HS6ST3: variants seen among roughly 807,000 people sequenced by gnomAD.
HS6ST3 encodes heparan sulfate 6-O-sulfotransferase 3.
A neutral mutation model predicts 36.7 loss-of-function variants in HS6ST3; 12 were observed. The observed-to-expected ratio is 0.33, with a 90% CI of 0.21 to 0.53. The LOEUF (loss-of-function observed/expected upper bound fraction) is 0.53, where lower values mean the gene tolerates loss of function less well. Ranked by LOEUF, HS6ST3 falls within the 20% of genes least tolerant of loss-of-function variation. The pLI is 0.95. For missense variants in HS6ST3, 584 were observed against 640.9 expected, an observed-to-expected ratio of 0.91 and a Z score of 0.96; for synonymous variants, 240 against 257.5, an observed-to-expected ratio of 0.93 and a Z score of 0.65.
intron 1 of HS6ST3, among the ~76,000 whole-genome samples, chr13:96,768,526 A>T (rs1208321921): frequency 6.6e-6 from 1 of 152,160 alleles, no homozygotes; most frequent in African/African-American, 2.4e-5. Context: ...GAATTTTAAC[A>T]TGAATACTCA....
chr13:96,490,840 A>G (rs189044606), intron 1 of HS6ST3, among the ~76,000 whole-genome samples: 1 of 152,230 alleles, frequency 6.6e-6, no homozygotes, highest in Non-Finnish European at 1.5e-5. Context: ...ACCACCGGCT[A>G]TGCTGCTTCA....
At chr13:96,093,053 C>T (rs990055902) in intron 1 of HS6ST3, among the ~76,000 whole-genome samples, 2 of 152,212 alleles carry the variant, frequency 1.3e-5, no homozygotes, top group African/African-American at 4.8e-5. Context: ...ACTATTACTT[C>T]AGTGAGACAC....
intron 1 of HS6ST3, among the ~76,000 whole-genome samples, chr13:96,815,084 C>T (rs1878392859): frequency 6.6e-6 from 1 of 152,152 alleles, no homozygotes; most frequent in African/African-American, 2.4e-5. Context: ...GTACCACTAA[C>T]TGGGTGGCTT....
chr13:96,624,729 T>A (rs1030447517), intron 1 of HS6ST3, among the ~76,000 whole-genome samples: 6 of 152,208 alleles, frequency 3.9e-5, no homozygotes, highest in African/African-American at 1.4e-4. Flanking sequence ...CTGACTCGCT[T>A]TTGTTTGCTC....
At chr13:96,638,739 A>G (rs1226035630) in intron 1 of HS6ST3, among the ~76,000 whole-genome samples, 1 of 152,006 alleles carries the variant, frequency 6.6e-6, no homozygotes, top group African/African-American at 2.4e-5. Context: ...CTATGAGTCA[A>G]TTAAACCTCT....
chr13:96,098,531 T>C (rs1300546905), intron 1 of HS6ST3, among the ~76,000 whole-genome samples: 1 of 152,148 alleles, frequency 6.6e-6, no homozygotes, highest in Non-Finnish European at 1.5e-5. Context: ...TTTAAAAGCA[T>C]GGACCCTGGC....
chr13:96,116,594 G>A (rs2053895392), intron 1 of HS6ST3, among the ~76,000 whole-genome samples: 2 of 152,164 alleles, frequency 1.3e-5, no homozygotes, highest in Non-Finnish European at 2.9e-5. Context: ...ATTCATCCAT[G>A]AATTCTAAGC....
chr13:96,680,806 A>G (rs2056715895), intron 1 of HS6ST3, among the ~76,000 whole-genome samples: 1 of 152,172 alleles, frequency 6.6e-6, no homozygotes, highest in South Asian at 2.1e-4. Context: ...ACTTCATAAA[A>G]AGTCATTTCT....
chr13:96,187,418 A>G (rs1175188733), intron 1 of HS6ST3, among the ~76,000 whole-genome samples: 1 of 152,072 alleles, frequency 6.6e-6, no homozygotes, highest in Non-Finnish European at 1.5e-5. Context: ...CATTATTCTC[A>G]TTTTACAGAT....
At chr13:96,409,100 T>C (rs553726183) in intron 1 of HS6ST3, among the ~76,000 whole-genome samples, 22 of 152,268 alleles carry the variant, frequency 1.4e-4, no homozygotes, top group Middle Eastern at 3.4e-3. Context: ...GAAGACTTCA[T>C]GAAAGAGAAG....
chr13:96,367,570 C>T (rs1223377213), intron 1 of HS6ST3, among the ~76,000 whole-genome samples: 2 of 152,114 alleles, frequency 1.3e-5, no homozygotes, highest in Admixed American at 6.6e-5. Flanking sequence ...TTTATTGGCT[C>T]TTTCTTCTGT....
chr13:96,258,217 C>T (rs961663425), intron 1 of HS6ST3, among the ~76,000 whole-genome samples: 18 of 152,094 alleles, frequency 1.2e-4, no homozygotes, highest in African/African-American at 4.3e-4. Flanking sequence ...AAAATGGAAA[C>T]ATTCATAGAA....
chr13:96,751,194 C>T (rs1399437445), intron 1 of HS6ST3, among the ~76,000 whole-genome samples: 1 of 152,078 alleles, frequency 6.6e-6, no homozygotes, highest in Non-Finnish European at 1.5e-5. Flanking sequence ...GAACTTGTAA[C>T]TATGACCTTA....
chr13:96,264,740 A>G (rs996284524), intron 1 of HS6ST3, among the ~76,000 whole-genome samples: 2 of 152,188 alleles, frequency 1.3e-5, no homozygotes, highest in Non-Finnish European at 1.5e-5. Flanking sequence ...CAGCTCTCCA[A>G]AGCAATCCAG....
intron 1 of HS6ST3, among the ~76,000 whole-genome samples, chr13:96,150,314 G>A (rs2054078764): frequency 2.0e-5 from 3 of 151,976 alleles, no homozygotes; most frequent in Non-Finnish European, 2.9e-5. Context: ...TGGTTAAGAG[G>A]CATCATTCAG....
At chr13:96,483,259 G>A (rs761936085) in intron 1 of HS6ST3, among the ~76,000 whole-genome samples, 1 of 152,134 alleles carries the variant, frequency 6.6e-6, no homozygotes, top group Non-Finnish European at 1.5e-5. Flanking sequence ...AAGTGAGCAG[G>A]GGTTCCCCAG....
intron 1 of HS6ST3, among the ~76,000 whole-genome samples, chr13:96,307,185 C>T (rs1351478589): frequency 6.6e-6 from 1 of 152,108 alleles, no homozygotes; most frequent in Non-Finnish European, 1.5e-5. Flanking sequence ...TAAGATGATT[C>T]AGTGAAAGAA....
chr13:96,522,671 C>T (rs1409880103), intron 1 of HS6ST3, among the ~76,000 whole-genome samples: 1 of 83,248 alleles, frequency 1.2e-5, no homozygotes, highest in Non-Finnish European at 2.9e-5. Context: ...GGATTGCAAC[C>T]CCTGCTTTTG....
intron 1 of HS6ST3, among the ~76,000 whole-genome samples, chr13:96,728,139 TAAGTAAATAAAGTAGGAAGAAC>T (rs936981381): frequency 2.0e-5 from 3 of 152,090 alleles, no homozygotes; most frequent in Non-Finnish European, 4.4e-5. Flanking sequence ...GTTGGATAAA[TAAGTAAATAAAGTAGGAAGAAC>T]AAGTACATAA....
Sources: gnomAD v4.1 joint callset for allele counts (sites outside exome capture counted in the v4.1 genomes callset) on GRCh38, gnomAD v4.1.1 for gene constraint, MANE v1.5 for transcripts, NCBI Gene and HGNC (gene_info 2026-07-23, HGNC 2026-07-21) for gene names.